SGCZ: variants seen among roughly 807,000 people sequenced by gnomAD.
SGCZ encodes zeta-sarcoglycan.
A neutral mutation model predicts 41.3 loss-of-function variants in SGCZ; 40 were observed. That is an observed-to-expected ratio of 0.97 (90% CI 0.75 to 1.26). The LOEUF is 1.26. Ranked by LOEUF, SGCZ falls within the 50% of genes most tolerant of loss-of-function variation. SGCZ has a pLI of 0.00. For missense variants in SGCZ, 552 were observed against 369.8 expected, an observed-to-expected ratio of 1.49 and a Z score of -4.04; for synonymous variants, 206 against 137.5, an observed-to-expected ratio of 1.50 and a Z score of -3.49.
rs143313401 is a variant in SGCZ, at chr8:14,460,198, T to A, written c.234+94534A>T. Among the ~76,000 whole-genome samples the A allele has an allele frequency of 2.0e-4, 30 of 152,310 alleles. No individual in the cohort carries two copies. The East Asian group carries it at 5.8e-3, about 29-fold the overall frequency. ...ACTTTTCTGTAAATATAAAATTATT[T>A]CAAAATAATAAACAAAAATATGAGG... On this transcript the variant is annotated intron_variant, in intron 2 of 7. Transcript: ENST00000382080.
chr8:14,982,538 T>C (rs977139952), intron 1 of SGCZ, among the ~76,000 whole-genome samples: 1 of 152,200 alleles, frequency 6.6e-6, no homozygotes, highest in African/African-American at 2.4e-5. Context: ...TGATATGCTA[T>C]CTGGCAAATT....
intron 1 of SGCZ, among the ~76,000 whole-genome samples, chr8:14,598,340 T>C (rs545894827): frequency 3.3e-5 from 5 of 152,254 alleles, no homozygotes; most frequent in South Asian, 2.1e-4. Flanking sequence ...ATTCTTTATA[T>C]ATTGTTTACC....
At chr8:15,172,163 T>TTATTTATTTATTA (rs796278887) in intron 1 of SGCZ, among the ~76,000 whole-genome samples, 10 of 116,552 alleles carry the variant, frequency 8.6e-5, no homozygotes, top group Non-Finnish European at 1.5e-4. Context: ...TGTTTTTTTT[T>TTATTTATTTATTA]TTTTTTTTTT....
rs914926666 is a variant in SGCZ at position 14,979,999 on chromosome 8, C to G, written c.39+257586G>C. ...TGCTTAAAATTATTACCTCAAGTATCCTTCATGACAAACTTAGGAAATAGG... is the reference window on the plus strand; with the variant it reads ...TGCTTAAAATTATTACCTCAAGTATGCTTCATGACAAACTTAGGAAATAGG... On this transcript the variant is annotated intron_variant, in intron 1 of 7. Coordinates refer to ENST00000382080, the MANE Select transcript of SGCZ (RefSeq NM_139167.4). Among the ~76,000 whole-genome samples, 9 of 152,232 alleles carry G rather than the reference C, an allele frequency of 5.9e-5. No individual in the cohort carries two copies. In the East Asian group the frequency reaches 1.5e-3, roughly 26 times the overall value.
At chr8:14,803,590 T>A (rs1310467273) in intron 1 of SGCZ, among the ~76,000 whole-genome samples, 1 of 150,600 alleles carries the variant, frequency 6.6e-6, no homozygotes, top group Middle Eastern at 3.4e-3. Flanking sequence ...GCCCAGGGAG[T>A]CTCCCTGATT....
chr8:15,089,560 A>G (rs957928344), intron 1 of SGCZ, among the ~76,000 whole-genome samples: 1 of 152,142 alleles, frequency 6.6e-6, no homozygotes, highest in African/African-American at 2.4e-5. Flanking sequence ...TCGAGTTTAT[A>G]GTAAAGATTG....
At chr8:14,387,599 T>C (rs1348219286) in intron 2 of SGCZ, among the ~76,000 whole-genome samples, 2 of 152,176 alleles carry the variant, frequency 1.3e-5, no homozygotes, top group African/African-American at 4.8e-5. Flanking sequence ...AAAGATGTGA[T>C]ATTTTGCTTT....
At chr8:14,316,813 A>ACACACACG (rs1801734025) in intron 3 of SGCZ, among the ~76,000 whole-genome samples, 1 of 1,134 alleles carries the variant, frequency 8.8e-4, no homozygotes, top group African/African-American at 1.5e-3. Context: ...TTTATTATAG[A>ACACACACG]CACACACACA....
intron 1 of SGCZ, among the ~76,000 whole-genome samples, chr8:14,946,111 C>A (rs1409719945): frequency 1.6e-5 from 2 of 128,982 alleles, no homozygotes; most frequent in Non-Finnish European, 3.2e-5. Flanking sequence ...TCTCAAGAAC[C>A]CTGACTAATA....
rs370015200 is a variant in SGCZ, at chr8:14,264,777, C to T, written c.337-27098G>A. 5.3e-5 allele frequency among the ~76,000 whole-genome samples: 8 copies of T among 152,018 alleles called. No homozygotes were observed. The East Asian group carries it at 1.2e-3, about 22-fold the overall frequency. ...GAGACCAAGACCATCCTGGCTAACA[C>T]GGTGAAACCCCGTCTCTACTAAAAA... On this transcript the variant is annotated intron_variant, in intron 3 of 7. Coordinates refer to ENST00000382080, the MANE Select transcript of SGCZ (RefSeq NM_139167.4).
intron 2 of SGCZ, among the ~76,000 whole-genome samples, chr8:14,369,511 C>T (rs1161127157): frequency 1.3e-5 from 2 of 151,914 alleles, no homozygotes; most frequent in African/African-American, 4.8e-5. Context: ...TTAACTTTTT[C>T]ATTCGTAGAA....
At position 14,745,141 on chromosome 8, in the gene SGCZ, G is replaced by A. The variant is rs536147258; in HGVS notation, c.40-190215C>T. Among the ~76,000 whole-genome samples, 4 of 152,106 alleles carry A rather than the reference G, an allele frequency of 2.6e-5. No individual in the cohort carries two copies. In the East Asian group the frequency reaches 7.7e-4, roughly 29 times the overall value. On this transcript the variant is annotated intron_variant, in intron 1 of 7. Transcript: ENST00000382080. ...TTTCAGTTTCACTGTGTCTCTACCTGCACTTTTAGCATTTCTCTTTCGCTG... is the reference window on the plus strand; with the variant it reads ...TTTCAGTTTCACTGTGTCTCTACCTACACTTTTAGCATTTCTCTTTCGCTG...
chr8:14,680,538 A>C (rs1384187675), intron 1 of SGCZ, among the ~76,000 whole-genome samples: 2 of 151,566 alleles, frequency 1.3e-5, no homozygotes, highest in Non-Finnish European at 2.9e-5. Context: ...AATAAAAATC[A>C]CTCATATAAA....
chr8:14,861,220 A>G (rs773626103), intron 1 of SGCZ, among the ~76,000 whole-genome samples: 3 of 152,228 alleles, frequency 2.0e-5, no homozygotes, highest in Non-Finnish European at 2.9e-5. Flanking sequence ...TGTCACATCC[A>G]TTCTTACACA....
chr8:14,163,280 A>ATACT (rs1220010777), intron 5 of SGCZ, among the ~76,000 whole-genome samples: 1 of 152,098 alleles, frequency 6.6e-6, no homozygotes, highest in African/African-American at 2.4e-5. Flanking sequence ...ATTAAACCTA[A>ATACT]TACTTATTCG....
chr8:14,480,756 A>T (rs546386740), intron 2 of SGCZ, among the ~76,000 whole-genome samples: 2 of 152,190 alleles, frequency 1.3e-5, no homozygotes, highest in East Asian at 3.9e-4. Context: ...GAATATATTT[A>T]TAATAACATA....
chr8:14,475,733 A>G (rs2116990207), intron 2 of SGCZ, among the ~76,000 whole-genome samples: 1 of 152,360 alleles, frequency 6.6e-6, no homozygotes, highest in Non-Finnish European at 1.5e-5. Context: ...TTAAGGAATT[A>G]TATGACAAGT....
chr8:14,914,100 T>G (rs1182001497), intron 1 of SGCZ, among the ~76,000 whole-genome samples: 1 of 151,962 alleles, frequency 6.6e-6, no homozygotes, highest in Non-Finnish European at 1.5e-5. Context: ...TGTGAGAGAT[T>G]ACTCAGAAAT....
At chr8:14,113,447 C>T (rs1041391184) in intron 5 of SGCZ, among the ~76,000 whole-genome samples, 2 of 151,984 alleles carry the variant, frequency 1.3e-5, no homozygotes, top group East Asian at 1.9e-4. Context: ...AGATACATTC[C>T]TTATATGCCA....
Sources: allele counts gnomAD v4.1 joint callset (sites outside exome capture counted in the v4.1 genomes callset), GRCh38; gene constraint gnomAD v4.1.1; transcripts MANE v1.5; gene names NCBI Gene and HGNC (gene_info 2026-07-23, HGNC 2026-07-21).